The following PTPRQ variants were observed in gnomAD, a reference collection of about 807,000 sequenced individuals.
PTPRQ encodes phosphatidylinositol phosphatase PTPRQ.
In PTPRQ, 199 loss-of-function variants were observed where a neutral mutation model predicts 246.0. The observed-to-expected ratio is 0.81, with a 90% CI of 0.72 to 0.91. PTPRQ has a LOEUF of 0.91. PTPRQ is among the 40% of genes least tolerant of loss of function. The pLI is 0.00. For synonymous variants in PTPRQ, 869 were observed against 853.2 expected (o/e 1.02, Z -0.32); for missense variants, 2,624 against 2,528.4 (o/e 1.04, Z -0.81).
intron 14 of PTPRQ, among the ~76,000 whole-genome samples, chr12:80,505,031 A>G (rs1242445093): frequency 6.6e-6 from 1 of 151,830 alleles, no homozygotes; most frequent in African/African-American, 2.4e-5. Flanking sequence ...TTTTCAGTAT[A>G]ATAACCCTGG....
chr12:80,584,703 C>T (rs1379683526), intron 25 of PTPRQ, among the ~76,000 whole-genome samples: 1 of 152,150 alleles, frequency 6.6e-6, no homozygotes, highest in Non-Finnish European at 1.5e-5. Flanking sequence ...AATTCCATCT[C>T]ATGTGCCATC....
At chr12:80,453,394 T>C (rs1892846594) in intron 3 of PTPRQ, among the ~76,000 whole-genome samples, 1 of 152,228 alleles carries the variant, frequency 6.6e-6, no homozygotes, top group Non-Finnish European at 1.5e-5. Flanking sequence ...TCCAGCTTTG[T>C]TCTGTTGCTG....
At chr12:80,643,511 G>A (rs1290948584) in intron 35 of PTPRQ, among the ~76,000 whole-genome samples, 3 of 151,966 alleles carry the variant, frequency 2.0e-5, no homozygotes, top group South Asian at 2.1e-4. Flanking sequence ...AGAATCAGCT[G>A]TATAGGACCA....
At chr12:80,481,009 C>T (rs1042768232) in intron 8 of PTPRQ, among the ~76,000 whole-genome samples, 5 of 152,078 alleles carry the variant, frequency 3.3e-5, no homozygotes, top group Non-Finnish European at 5.9e-5. Context: ...AGGGAATCCT[C>T]CCTAACTCAT....
intron 8 of PTPRQ, among the ~76,000 whole-genome samples, chr12:80,483,726 C>A (rs547082830): frequency 6.6e-6 from 1 of 151,642 alleles, no homozygotes; most frequent in Non-Finnish European, 1.5e-5. Context: ...TAATGCTATC[C>A]CTCCCCTAGC....
At chr12:80,484,284 G>A (rs1894194846) in intron 8 of PTPRQ, 149 bp from the exon 9 acceptor site, 1 of 999,274 alleles carries the variant, frequency 1.0e-6, no homozygotes, top group East Asian at 2.7e-5. Flanking sequence ...TGGGATTACA[G>A]CCATGAGCCA....
rs1017871476 is a variant in PTPRQ, at chr12:80,619,693, C to A, written c.5389+151C>A. Among the ~76,000 whole-genome samples the A allele has an allele frequency of 2.0e-5, 3 of 151,442 alleles. No individual in the cohort carries two copies. In the East Asian group the frequency reaches 5.8e-4, roughly 29 times the overall value. ...CAATATTATTATTAATGATACCAAT[C>A]ATTTCTTTGTAAATAAATAAATTAT... On this transcript the variant is annotated intron_variant, in intron 31 of 44. Transcript: ENST00000644991.
At chr12:80,618,962 G>A (rs1260760697) in intron 30 of PTPRQ, among the ~76,000 whole-genome samples, 1 of 151,504 alleles carries the variant, frequency 6.6e-6, no homozygotes, top group Non-Finnish European at 1.5e-5. Flanking sequence ...TAGATGTTTA[G>A]CATGGATTAA....
At chr12:80,543,974 G>T (rs1997279) in intron 23 of PTPRQ, among the ~76,000 whole-genome samples, 22,021 of 152,002 alleles carry the variant, frequency 0.14, 2,558 homozygotes, top group African/African-American at 0.32. Flanking sequence ...AAGGAAAAAA[G>T]AATCATTTTC....
At chr12:80,608,829 T>C (rs151319332) in intron 27 of PTPRQ, among the ~76,000 whole-genome samples, 114 of 150,764 alleles carry the variant, frequency 7.6e-4, no homozygotes, top group African/African-American at 2.6e-3. Flanking sequence ...CAGGCCCCTT[T>C]ACAGAGGTCA....
Position 80,493,358 on chromosome 12 carries a change from G to T in PTPRQ, c.1443G>T (p.Ser481=), listed in dbSNP as rs373744641. ...VGLYEGSAEM[S]SDLHSLATFI... The stretch of plus-strand genomic sequence containing the variant: ...TATATGAGGGTTCAGCAGAGATGTC[G>T]TCTGACCTTCACTCACTTGCTACAT... Residue 481 remains serine (S), a synonymous_variant, in exon 10 of 45, where the codon TCG becomes TCT. Transcript: ENST00000644991. The T allele has an allele frequency of 4.6e-5, 72 of 1,549,896 alleles. No individual in the cohort carries two copies. Among genetic ancestry groups the T allele is most frequent in the Non-Finnish European group, 6.2e-5 (71 of 1,145,922 alleles).
intron 19 of PTPRQ, among the ~76,000 whole-genome samples, chr12:80,537,419 C>T (rs748825082): frequency 3.3e-5 from 5 of 152,142 alleles, no homozygotes; most frequent in Non-Finnish European, 5.9e-5. Flanking sequence ...ATAACTGTTG[C>T]TTCTCTTAGT....
intron 26 of PTPRQ, among the ~76,000 whole-genome samples, chr12:80,590,539 G>A (rs1234689838): frequency 6.6e-6 from 1 of 151,780 alleles, no homozygotes; most frequent in East Asian, 1.9e-4. Flanking sequence ...ATGGTGGCAG[G>A]TGCCTGTAGT....
chr12:80,550,211 GC>G (rs1440748944), intron 25 of PTPRQ, among the ~76,000 whole-genome samples: 1 of 152,026 alleles, frequency 6.6e-6, no homozygotes, highest in Non-Finnish European at 1.5e-5. Flanking sequence ...GGGTCGTTAA[GC>G]TTTAGTCCAC....
intron 4 of PTPRQ, among the ~76,000 whole-genome samples, chr12:80,458,047 A>G (rs542025188): frequency 1.3e-5 from 2 of 152,210 alleles, no homozygotes; most frequent in South Asian, 2.1e-4. Context: ...TCTTTTTAAC[A>G]TGAAGTCATA....
At chr12:80,661,237 ATG>A (rs1189662049) in intron 39 of PTPRQ, among the ~76,000 whole-genome samples, 4 of 150,036 alleles carry the variant, frequency 2.7e-5, no homozygotes, top group African/African-American at 9.7e-5. Context: ...AAACACATAT[ATG>A]TGTGTATACA....
At chr12:80,641,343 G>A (rs1271563910) in intron 35 of PTPRQ, among the ~76,000 whole-genome samples, 1 of 152,154 alleles carries the variant, frequency 6.6e-6, no homozygotes, top group African/African-American at 2.4e-5. Context: ...TATGAATGGA[G>A]GCAGAGAATA....
intron 8 of PTPRQ, among the ~76,000 whole-genome samples, chr12:80,478,791 G>C (rs749182642): frequency 6.6e-6 from 1 of 152,164 alleles, no homozygotes; most frequent in African/African-American, 2.4e-5. Flanking sequence ...GGAAGATGAA[G>C]TGAATGAAAC....
Position 80,680,086 on chromosome 12 carries a change from T to C in PTPRQ, c.*1063T>C, listed in dbSNP as rs1901266359. On this transcript the variant is annotated 3_prime_UTR_variant, in exon 45 of 45. Coordinates refer to ENST00000644991, the MANE Select transcript of PTPRQ (RefSeq NM_001145026.2). ...TTTATAGAAAATCTTTCAGCCTCCATCTTATTAAATAGTGACAATGTGGTA... is the reference window on the plus strand; with the variant it reads ...TTTATAGAAAATCTTTCAGCCTCCACCTTATTAAATAGTGACAATGTGGTA... 6.6e-6 allele frequency: 1 copy of C among 151,888 alleles called. No individual in the cohort carries two copies. Among genetic ancestry groups the C allele is most frequent in the Non-Finnish European group, 1.5e-5 (1 of 67,896 alleles). 9.4% of individuals were successfully genotyped at this position (151,888 alleles called of 1,614,324 possible). A position where few individuals can be genotyped will look rare whatever the true frequency, so the allele number is the denominator to read the frequency against.
Sources: allele counts gnomAD v4.1 joint callset (sites outside exome capture counted in the v4.1 genomes callset), GRCh38; gene constraint gnomAD v4.1.1; transcripts MANE v1.5; gene names NCBI Gene and HGNC (gene_info 2026-07-23, HGNC 2026-07-21).